The following CERS1 variants were observed in gnomAD, a reference collection of about 807,000 sequenced individuals.
CERS1 encodes the protein Embryonic growth/differentiation factor 1.
In CERS1, 16 loss-of-function variants were observed where a neutral mutation model predicts 35.7. The observed-to-expected ratio is 0.45, with a 90% CI of 0.30 to 0.68. CERS1 has a LOEUF of 0.68. CERS1 is among the 30% of genes least tolerant of loss of function. The pLI, the probability that CERS1 is intolerant of heterozygous loss-of-function variation, is 0.08. For missense variants in CERS1, 454 were observed against 453.9 expected, an observed-to-expected ratio of 1.00 and a Z score of 0.00; for synonymous variants, 243 against 201.6, an observed-to-expected ratio of 1.21 and a Z score of -1.74.
At position 18,869,041 on chromosome 19, in the gene CERS1, G is replaced by C; in HGVS notation, c.*944C>G. On this transcript the variant is annotated 3_prime_UTR_variant, in exon 8 of 8. Coordinates refer to ENST00000623882, the MANE Select transcript of CERS1 (RefSeq NM_021267.5). ...AGGCCTCGGCCAGGCGCGCGCAGGC[G>C]GCAGGGGCCCGGGGGCGTAGCGCCA... 11 of 1,070,964 alleles carry C rather than the reference G, an allele frequency of 1.0e-5. No individual in the cohort carries two copies. Among genetic ancestry groups the C allele is most frequent in the Non-Finnish European group, 1.2e-5 (11 of 886,168 alleles). The allele number at this position is 1,070,964 out of a possible 1,614,324, so 66.3% of individuals were successfully genotyped here. A position where few individuals can be genotyped will look rare whatever the true frequency, so the allele number is the denominator to read the frequency against.
At chr19:18,889,006 C>T (rs570830202) in intron 2 of CERS1, among the ~76,000 whole-genome samples, 119 of 151,010 alleles carry the variant, frequency 7.9e-4, no homozygotes, top group African/African-American at 2.8e-3. Flanking sequence ...ATTCTCTTGC[C>T]TCAGCCTGCC....
chr19:18,879,307 G>A lies in CERS1; in HGVS notation c.834C>T (p.Ile278=), dbSNP rs781327266. The change falls in exon 5 of 8, where the codon ATC becomes ATT. Residue 278 remains isoleucine (I), a synonymous_variant. Transcript: ENST00000623882. ...SHCSLRTVPD[I]PFYFFFNALL... The stretch of plus-strand genomic sequence containing the variant: ...GCGCATTGAAGAAGAAGTAGAAGGG[G>A]ATGTCAGGCACCGTGCGCAGACTGC... 5 of 1,612,754 alleles carry A rather than the reference G, an allele frequency of 3.1e-6. No homozygotes were observed. Among genetic ancestry groups the A allele is most frequent in the Non-Finnish European group, 4.2e-6 (5 of 1,179,446 alleles).
chr19:18,869,510 G>A, intron 7 of CERS1, 120 bp from the exon 8 acceptor site: 28 of 1,341,132 alleles, frequency 2.1e-5, no homozygotes, highest in Non-Finnish European at 2.7e-5. Flanking sequence ...CTGTGGGAAG[G>A]GTGTGAAGCG....
At chr19:18,884,010 G>A in intron 3 of CERS1, 77 bp downstream of exon 3, 1 of 1,472,050 alleles carries the variant, frequency 6.8e-7, no homozygotes, top group Non-Finnish European at 9.2e-7. Context: ...GGCCTCCTCT[G>A]TGCCCCGCCG....
At position 18,869,396 on chromosome 19, in the gene CERS1, G is replaced by A. The variant is rs1280379304; in HGVS notation, c.*595-6C>T. 6.5e-7 allele frequency: 1 copy of A among 1,528,532 alleles called. No individual in the cohort carries two copies. The highest frequency in any genetic ancestry group is 8.7e-7 in the Non-Finnish European group (1 of 1,144,252). The allele number at this position is 1,528,532 out of a possible 1,614,324, so 94.7% of individuals were successfully genotyped here. A position where few individuals can be genotyped will look rare whatever the true frequency, so the allele number is the denominator to read the frequency against. On this transcript the variant is annotated splice_polypyrimidine_tract_variant and splice_region_variant and intron_variant, in intron 7 of 7. Transcript: ENST00000623882. ...CGAGGCCCGGGTGGGCGCACCTGGG[G>A]AGGTAGGAACAGGAACTCGGCTCGC...
chr19:18,881,409 G>A (rs940942429), intron 3 of CERS1, among the ~76,000 whole-genome samples: 5 of 151,552 alleles, frequency 3.3e-5, no homozygotes, highest in South Asian at 2.1e-4. Context: ...TAGTAGAGAC[G>A]GGGTTTCACC....
rs770513527 is a variant in CERS1, at chr19:18,878,963, G to A, written c.977C>T (p.Ala326Val). The A allele has an allele frequency of 5.6e-6, 9 of 1,613,658 alleles. No homozygotes were observed. The change falls in exon 6 of 8, where the codon GCC becomes GTC. Residue 326 changes from alanine to valine, a missense_variant. By Grantham distance (64) the Ala-to-Val change is moderately conservative (BLOSUM62 0). Coordinates refer to ENST00000623882, the MANE Select transcript of CERS1 (RefSeq NM_021267.5). The surrounding 1 kb of genome is among the most constrained non-coding windows in gnomAD (Gnocchi z 4.6). ...ELKDLREYDTAEAQSLKPSKA... is the reference protein window; with the variant it reads ...ELKDLREYDTVEAQSLKPSKA... ...GCTGGGCTTCAGGCTCTGGGCCTCG[G>A]CTGTGTCATACTCCCGCAGGTCCTT... is the stretch of plus-strand genomic sequence containing the variant.
chr19:18,879,088 C>T, intron 5 of CERS1, 49 bp from the exon 6 acceptor site: 1 of 1,601,116 alleles, frequency 6.2e-7, no homozygotes. Flanking sequence ...CCCCACGCCA[C>T]TGCCCTGCTG....
chr19:18,888,519 T>TA (rs781426705), intron 2 of CERS1, among the ~76,000 whole-genome samples: 2,164 of 59,048 alleles, frequency 0.037, 109 homozygotes, highest in East Asian at 0.07. Flanking sequence ...CCCTGTCTCT[T>TA]AAAAAAAAAA....
chr19:18,896,927 G>C (rs576267000), upstream of CERS1, among the ~76,000 whole-genome samples: 5 of 152,062 alleles, frequency 3.3e-5, no homozygotes, highest in South Asian at 4.2e-4. This position sits in a 1 kb window ranked among gnomAD's most constrained non-coding sequence, Gnocchi z 5.9. Flanking sequence ...GGGAACCCGG[G>C]GGGGGGGCTC....
In CERS1 at chr19:18,868,886, C is replaced by T. The variant is rs1355088234; in HGVS notation, c.*1099G>A. The T allele has an allele frequency of 7.0e-7, 1 of 1,429,728 alleles. No homozygotes were observed. 88.6% of individuals were successfully genotyped at this position (1,429,728 alleles called of 1,614,324 possible). A position where few individuals can be genotyped will look rare whatever the true frequency, so the allele number is the denominator to read the frequency against. The stretch of plus-strand genomic sequence containing the variant: ...GACCCAGCGGTGCCAGCCCACCTCG[C>T]GGAAGCTCACGTACAGCCGCCGCGC... On this transcript the variant is annotated 3_prime_UTR_variant, in exon 8 of 8. Coordinates refer to ENST00000623882, the MANE Select transcript of CERS1 (RefSeq NM_021267.5).
At chr19:18,883,509 G>A (rs1296484319) in intron 3 of CERS1, 1 of 152,224 alleles carries the variant, frequency 6.6e-6, no homozygotes, top group Non-Finnish European at 1.5e-5. Flanking sequence ...CTCCAGCCTG[G>A]GTGACAGAGT....
intron 2 of CERS1, among the ~76,000 whole-genome samples, chr19:18,887,656 A>G (rs1236235794): frequency 6.6e-6 from 1 of 151,506 alleles, no homozygotes; most frequent in Non-Finnish European, 1.5e-5. Flanking sequence ...AGGCAGGAGC[A>G]TCACTTAAAC....
chr19:18,874,823 G>A (rs946531176), intron 6 of CERS1, among the ~76,000 whole-genome samples: 1 of 152,178 alleles, frequency 6.6e-6, no homozygotes, highest in African/African-American at 2.4e-5. Context: ...GCAGCAATGG[G>A]GTGAGATGGG....
Position 18,868,935 on chromosome 19 carries a change from C to A in CERS1, c.*1050G>T. ...GCGCGACAAGCGCCCCCGGGGCCGC[C>A]GCCCAACACGGGTTCGGCGTCGCGC... On this transcript the variant is annotated 3_prime_UTR_variant, in exon 8 of 8. Transcript: ENST00000623882. 7.8e-7 allele frequency: 1 copy of A among 1,286,770 alleles called. No homozygotes were observed. Among genetic ancestry groups the A allele is most frequent in the South Asian group, 1.6e-5 (1 of 62,184 alleles). The allele number at this position is 1,286,770 out of a possible 1,614,324, so 79.7% of individuals were successfully genotyped here.
At chr19:18,877,475 C>T (rs1386115928) in intron 6 of CERS1, among the ~76,000 whole-genome samples, 1 of 152,224 alleles carries the variant, frequency 6.6e-6, no homozygotes, top group Admixed American at 6.5e-5. Context: ...CTCAGGCCGG[C>T]TGCAGTGGCT....
rs1023272007 is a variant in CERS1 at position 18,882,333 on chromosome 19, A to T, written c.590+1754T>A. ...CTGAGGAATGGAATAGGGGCTTTTT[A>T]AAATTATTTTTTAAACTAACCAGAC... On this transcript the variant is annotated intron_variant, in intron 3 of 7. Transcript: ENST00000623882. 1.5e-3 allele frequency among the ~76,000 whole-genome samples: 231 copies of T among 152,188 alleles called. 1 individual carries two copies. The highest frequency in any genetic ancestry group is 2.5e-3 in the Non-Finnish European group (169 of 67,996).
Position 18,879,350 on chromosome 19 carries a change from A to C in CERS1, c.791T>G (p.Leu264Arg). The C allele has an allele frequency of 2.5e-6, 4 of 1,594,386 alleles. No homozygotes were observed. Among genetic ancestry groups the C allele is most frequent in the Non-Finnish European group, 3.4e-6 (4 of 1,170,712 alleles). Residue 264 changes from leucine (L) to arginine (R), a missense_variant, in exon 5 of 8, where the codon CTG becomes CGG. By Grantham distance (102) the Leu-to-Arg change is moderately radical (BLOSUM62 -2). Coordinates refer to ENST00000623882, the MANE Select transcript of CERS1 (RefSeq NM_021267.5). Reference sequence around the variant, plus strand: ...CAGACTGCAGTGACTGGTGGCATACAGGACCTTGAGCGGGAACCAGTAGAG... The same window carrying C: ...CAGACTGCAGTGACTGGTGGCATACCGGACCTTGAGCGGGAACCAGTAGAG... ...FRLYWFPLKVLYATSHCSLRT... is the reference protein window; with the variant it reads ...FRLYWFPLKVRYATSHCSLRT...
In CERS1 at chr19:18,886,442, G is replaced by A. The variant is rs527990607; in HGVS notation, c.410-2175C>T. On this transcript the variant is annotated intron_variant, in intron 2 of 7. Transcript: ENST00000623882. ...TGGGCGCCTGTGGTCCCAGCTACTC[G>A]GGAGGCTGAGGTGGGAGGATCACTT... Among the ~76,000 whole-genome samples, 62 of 152,138 alleles carry A rather than the reference G, an allele frequency of 4.1e-4. No individual in the cohort carries two copies. In the South Asian group the frequency reaches 0.012, roughly 29 times the overall value.
Sources: gnomAD v4.1 joint callset for allele counts (sites outside exome capture counted in the v4.1 genomes callset) on GRCh38, gnomAD v4.1.1 for gene constraint, Gnocchi (gnomAD v3.1) non-coding constraint, MANE v1.5 for transcripts, NCBI Gene and HGNC (gene_info 2026-07-23, HGNC 2026-07-21) for gene names.